Variants in NRG1 observed in about 807,000 individuals in gnomAD.
The protein encoded by NRG1 is pro-neuregulin-1, membrane-bound isoform.
Under a neutral mutation model 63.8 loss-of-function variants are expected in NRG1, and 18 were observed. The ratio of observed to expected loss-of-function variants is 0.28; its 90% confidence interval spans 0.19 to 0.42. The LOEUF (loss-of-function observed/expected upper bound fraction) is 0.42, where lower values mean the gene tolerates loss of function less well. NRG1 is among the 10% of genes least tolerant of loss of function. The pLI, the probability that NRG1 is intolerant of heterozygous loss-of-function variation, is 1.00. For synonymous variants in NRG1, 302 were observed against 301.3 expected, an observed-to-expected ratio of 1.00 and a Z score of -0.02; for missense variants, 762 against 814.7, an observed-to-expected ratio of 0.94 and a Z score of 0.79.
At chr8:32,288,709 T>C (rs573315744) in intron 1 of NRG1, among the ~76,000 whole-genome samples, 2 of 152,256 alleles carry the variant, frequency 1.3e-5, no homozygotes, top group Non-Finnish European at 2.9e-5. Flanking sequence ...ACTAGGATTC[T>C]TCATTTCCTT....
intron 5 of NRG1, among the ~76,000 whole-genome samples, chr8:32,637,536 G>A (rs906191003): frequency 5.9e-5 from 9 of 151,980 alleles, no homozygotes; most frequent in South Asian, 2.1e-4. Flanking sequence ...ATGTAACCTC[G>A]GCTTCCTGAT....
chr8:32,026,877 A>G (rs1377076225), intron 1 of NRG1, among the ~76,000 whole-genome samples: 1 of 152,106 alleles, frequency 6.6e-6, no homozygotes, highest in African/African-American at 2.4e-5. Flanking sequence ...TAAAGTATTC[A>G]CTTTTCTCTA....
At position 32,174,280 on chromosome 8, in the gene NRG1, A is replaced by G. The variant is rs578172026; in HGVS notation, c.38-421548A>G. Among the ~76,000 whole-genome samples the G allele has an allele frequency of 5.9e-5, 9 of 152,298 alleles. No individual in the cohort carries two copies. In the South Asian group the frequency reaches 1.9e-3, roughly 32 times the overall value. On this transcript the variant is annotated intron_variant, in intron 1 of 10. Coordinates refer to the NRG1 transcript ENST00000519301. ...AAATGAAATTAAGATGTTCTTTGAAACCAACGAGAACAAAGACACAACATA... is the reference window on the plus strand; with the variant it reads ...AAATGAAATTAAGATGTTCTTTGAAGCCAACGAGAACAAAGACACAACATA...
At chr8:31,812,266 G>A (rs1162288219) in intron 1 of NRG1, among the ~76,000 whole-genome samples, 2 of 152,150 alleles carry the variant, frequency 1.3e-5, no homozygotes, top group Non-Finnish European at 2.9e-5. Flanking sequence ...GCCTGTATGA[G>A]GGTCCCTTGG....
chr8:32,116,264 G>A (rs1832699929), intron 1 of NRG1, among the ~76,000 whole-genome samples: 1 of 152,066 alleles, frequency 6.6e-6, no homozygotes, highest in Non-Finnish European at 1.5e-5. Flanking sequence ...AGCACTTGGG[G>A]AGAAACTCTG....
At chr8:31,769,609 A>C (rs998007325) in intron 1 of NRG1, among the ~76,000 whole-genome samples, 4 of 152,186 alleles carry the variant, frequency 2.6e-5, no homozygotes, top group African/African-American at 9.6e-5. Flanking sequence ...TAAGGGGAGG[A>C]ATCTGTGATG....
intron 1 of NRG1, among the ~76,000 whole-genome samples, chr8:32,116,695 T>C (rs113614153): frequency 4.5e-4 from 68 of 152,246 alleles, no homozygotes; most frequent in African/African-American, 1.6e-3. Flanking sequence ...AAGGATCTTT[T>C]AATTCCTGTT....
At chr8:31,866,418 CT>C (rs1563502972) in intron 1 of NRG1, among the ~76,000 whole-genome samples, 1 of 152,018 alleles carries the variant, frequency 6.6e-6, no homozygotes, top group Non-Finnish European at 1.5e-5. Flanking sequence ...AAACGATAAT[CT>C]TTTTTTATTT....
intron 1 of NRG1, among the ~76,000 whole-genome samples, chr8:31,725,357 G>A (rs957585575): frequency 2.6e-5 from 4 of 152,132 alleles, no homozygotes; most frequent in South Asian, 2.1e-4. Context: ...ACTCATTTTC[G>A]GAGGAATAAT....
chr8:31,982,502 A>AT (rs1270736941), intron 1 of NRG1, among the ~76,000 whole-genome samples: 1 of 152,076 alleles, frequency 6.6e-6, no homozygotes, highest in African/African-American at 2.4e-5. Context: ...GTCCATGACT[A>AT]TAGAACAGGA....
At chr8:32,331,787 A>G (rs754032743) in intron 1 of NRG1, among the ~76,000 whole-genome samples, 1 of 152,126 alleles carries the variant, frequency 6.6e-6, no homozygotes, top group East Asian at 1.9e-4. Flanking sequence ...AGTAAAACCT[A>G]CAGGGGGAAG....
At chr8:32,654,875 T>C (rs1164004264) in intron 5 of NRG1, among the ~76,000 whole-genome samples, 4 of 152,166 alleles carry the variant, frequency 2.6e-5, no homozygotes, top group Non-Finnish European at 5.9e-5. Context: ...TTCTGAAGTC[T>C]CTTACAACTC....
chr8:32,171,998 G>A (rs1840114021), intron 1 of NRG1, among the ~76,000 whole-genome samples: 1 of 152,178 alleles, frequency 6.6e-6, no homozygotes, highest in African/African-American at 2.4e-5. Flanking sequence ...GAAGAGAGTA[G>A]TGGTTCTCCC....
At chr8:32,338,712 G>T (rs1803657753) in intron 1 of NRG1, among the ~76,000 whole-genome samples, 1 of 152,188 alleles carries the variant, frequency 6.6e-6, no homozygotes, top group African/African-American at 2.4e-5. Context: ...GCAGAAGCAT[G>T]TTAGAAATAT....
At chr8:31,994,376 G>T (rs1408952195) in intron 1 of NRG1, among the ~76,000 whole-genome samples, 3 of 151,870 alleles carry the variant, frequency 2.0e-5, no homozygotes, top group Non-Finnish European at 4.4e-5. Context: ...TCCTAGGCTG[G>T]GTGCAGTGGT....
chr8:32,518,004 T>C (rs752890168), intron 1 of NRG1, among the ~76,000 whole-genome samples: 36 of 152,134 alleles, frequency 2.4e-4, no homozygotes, highest in Non-Finnish European at 3.7e-4. Context: ...AGGGGAATGC[T>C]GTGTTGTTTA....
In NRG1 at chr8:32,699,609, A is replaced by G. The variant is rs185188150; in HGVS notation, c.503-28340A>G. Reference sequence around the variant, plus strand: ...GAAAAATGGCTTCAAACATAGGAGAACAAAATTTTCTGCTTTCTTTGTTTA... The same window carrying G: ...GAAAAATGGCTTCAAACATAGGAGAGCAAAATTTTCTGCTTTCTTTGTTTA... On this transcript the variant is annotated intron_variant, in intron 5 of 11. Transcript: ENST00000356819. Among the ~76,000 whole-genome samples the G allele has an allele frequency of 2.2e-3, 339 of 152,326 alleles. 4 individuals are homozygous for G. The highest frequency in any genetic ancestry group is 7.1e-3 in the Admixed American group (108 of 15,302).
At chr8:32,402,771 T>C (rs915624517) in intron 1 of NRG1, among the ~76,000 whole-genome samples, 1 of 152,152 alleles carries the variant, frequency 6.6e-6, no homozygotes, top group South Asian at 2.1e-4. Flanking sequence ...CATTGAATGC[T>C]GAAGTTGTTA....
At chr8:32,684,090 C>T (rs1246854058) in intron 5 of NRG1, among the ~76,000 whole-genome samples, 7 of 152,018 alleles carry the variant, frequency 4.6e-5, no homozygotes, top group Non-Finnish European at 7.4e-5. Flanking sequence ...CCAGCTACTC[C>T]GGGAGGCGGA....
Sources: gnomAD v4.1 joint callset for allele counts (sites outside exome capture counted in the v4.1 genomes callset) on GRCh38, gnomAD v4.1.1 for gene constraint, MANE v1.5 for transcripts, NCBI Gene and HGNC (gene_info 2026-07-23, HGNC 2026-07-21) for gene names.